KLF12: variants seen among roughly 807,000 people sequenced by gnomAD.
The protein encoded by KLF12 is KLF transcription factor 12.
KLF12 carries 9 observed loss-of-function variants against 37.8 expected under a neutral mutation model. The ratio of observed to expected loss-of-function variants is 0.24; its 90% CI spans 0.14 to 0.42. The LOEUF (loss-of-function observed/expected upper bound fraction) is 0.42. Ranked by LOEUF, KLF12 falls within the 10% of genes least tolerant of loss-of-function variation. The probability of loss-of-function intolerance (pLI) is 1.00; values close to 1 mark genes in which losing one functional copy is unlikely to be tolerated. For missense variants in KLF12, 411 were observed against 516.0 expected, an observed-to-expected ratio of 0.80 and a Z score of 1.97; for synonymous variants, 208 against 202.1, an observed-to-expected ratio of 1.03 and a Z score of -0.25.
intron 1 of KLF12, among the ~76,000 whole-genome samples, chr13:74,009,565 G>A (rs1304213792): frequency 1.3e-5 from 2 of 152,182 alleles, no homozygotes; most frequent in Non-Finnish European, 1.5e-5. Flanking sequence ...TCTGTAGGCA[G>A]CAGTCAGAAT....
At chr13:73,813,062 A>T (rs920327426) in intron 5 of KLF12, 90 bp downstream of exon 5, 12 of 1,396,776 alleles carry the variant, frequency 8.6e-6, no homozygotes, top group African/African-American at 1.4e-5. Flanking sequence ...AGCTAGAATG[A>T]CATGGCTGGG....
intron 1 of KLF12, among the ~76,000 whole-genome samples, chr13:74,110,857 G>A (rs758031232): frequency 2.8e-4 from 43 of 152,100 alleles, no homozygotes; most frequent in Non-Finnish European, 5.3e-4. Context: ...CCAAGAAGAC[G>A]TGATGTATTC....
chr13:74,090,964 C>T (rs576685862), intron 1 of KLF12, among the ~76,000 whole-genome samples: 6 of 149,228 alleles, frequency 4.0e-5, no homozygotes, highest in Admixed American at 2.7e-4. Context: ...AAAGCTCATA[C>T]TCTTCCATTT....
intron 4 of KLF12, among the ~76,000 whole-genome samples, chr13:73,825,967 A>G (rs1220212673): frequency 6.6e-6 from 1 of 151,884 alleles, no homozygotes; most frequent in Non-Finnish European, 1.5e-5. Context: ...GGGCAAATCA[A>G]TCATTCAACA....
intron 3 of KLF12, among the ~76,000 whole-genome samples, chr13:73,927,405 A>T (rs1332616333): frequency 1.3e-5 from 2 of 152,172 alleles, no homozygotes; most frequent in African/African-American, 4.8e-5. Context: ...GTACCTTGGT[A>T]CAGGATAAGC....
intron 1 of KLF12, among the ~76,000 whole-genome samples, chr13:74,106,999 A>G (rs1460535337): frequency 2.6e-5 from 4 of 152,196 alleles, no homozygotes; most frequent in African/African-American, 9.7e-5. Flanking sequence ...AAGTTTATTT[A>G]TCACAGTTCT....
At chr13:73,705,075 C>T (rs2137606723) in intron 7 of KLF12, among the ~76,000 whole-genome samples, 1 of 152,248 alleles carries the variant, frequency 6.6e-6, no homozygotes, top group African/African-American at 2.4e-5. Flanking sequence ...TCATTTAATA[C>T]TAGTGCCACT....
intron 3 of KLF12, among the ~76,000 whole-genome samples, chr13:73,888,288 G>C (rs531146250): frequency 1.6e-4 from 24 of 152,236 alleles, no homozygotes; most frequent in Middle Eastern, 3.4e-3. Context: ...ACAGTCCTGA[G>C]CCACCGCGCC....
At chr13:74,096,612 T>C (rs1022159613) in intron 1 of KLF12, among the ~76,000 whole-genome samples, 4 of 152,304 alleles carry the variant, frequency 2.6e-5, no homozygotes, top group Admixed American at 2.6e-4. Context: ...TCATAAATCA[T>C]GTTTCTGTTT....
chr13:74,005,685 G>A (rs1232596503), intron 1 of KLF12, among the ~76,000 whole-genome samples: 4 of 152,152 alleles, frequency 2.6e-5, no homozygotes, highest in Non-Finnish European at 5.9e-5. Context: ...CATGAAAAGC[G>A]CAGCCATACA....
intron 3 of KLF12, among the ~76,000 whole-genome samples, chr13:73,882,035 A>G (rs1410055564): frequency 2.0e-5 from 3 of 152,188 alleles, no homozygotes; most frequent in African/African-American, 7.2e-5. Context: ...AGGGCTTGTA[A>G]AACGGAATGT....
intron 1 of KLF12, among the ~76,000 whole-genome samples, chr13:74,115,128 T>G (rs190625232): frequency 6.6e-6 from 1 of 152,314 alleles, no homozygotes; most frequent in Admixed American, 6.5e-5. Context: ...AAGTTAGTTA[T>G]CCCCTTCAAA....
chr13:73,900,005 T>C lies in KLF12; in HGVS notation c.123+43976A>G, dbSNP rs112112978. Among the ~76,000 whole-genome samples, 1,341 of 152,160 alleles carry C rather than the reference T, an allele frequency of 8.8e-3. 15 individuals carry two copies. Among genetic ancestry groups the C allele is most frequent in the African/African-American group, 0.03 (1,256 of 41,502 alleles). On this transcript the variant is annotated intron_variant, in intron 3 of 7. Coordinates refer to ENST00000377669, the MANE Select transcript of KLF12 (RefSeq NM_007249.5). ...AGAGCCCTAATGCAAACCTGAAGAG[T>C]GAAACTAAACTGAAAGTTTTTCGTT...
At chr13:73,847,865 A>G (rs56284857) in intron 3 of KLF12, among the ~76,000 whole-genome samples, 32,621 of 152,150 alleles carry the variant, frequency 0.21, 3,910 homozygotes, top group East Asian at 0.48. Context: ...CTTTGATAAA[A>G]GCTATTAGCA....
At chr13:74,240,232 G>A in the KLF12 span, among the ~76,000 whole-genome samples, 11 of 148,480 alleles carry the variant, frequency 7.4e-5, no homozygotes, top group African/African-American at 2.5e-4. Flanking sequence ...TGAAGTTCTG[G>A]GTTGAAAATT....
At chr13:74,011,605 A>T (rs1434520693) in intron 1 of KLF12, among the ~76,000 whole-genome samples, 1 of 152,232 alleles carries the variant, frequency 6.6e-6, no homozygotes, top group Non-Finnish European at 1.5e-5. Flanking sequence ...AGATCCAAAA[A>T]GCAAAACTCG....
At chr13:74,063,622 A>C (rs989946817) in intron 1 of KLF12, among the ~76,000 whole-genome samples, 2 of 152,210 alleles carry the variant, frequency 1.3e-5, no homozygotes, top group Non-Finnish European at 2.9e-5. Flanking sequence ...ACATGTACTC[A>C]GCATAAAATG....
At chr13:73,873,196 T>C (rs1886553297) in intron 3 of KLF12, among the ~76,000 whole-genome samples, 1 of 152,072 alleles carries the variant, frequency 6.6e-6, no homozygotes, top group African/African-American at 2.4e-5. Context: ...TCCCCTCTGC[T>C]CCCATTAAAT....
intron 5 of KLF12, chr13:73,800,791 TATATCAG>T (rs1303757324): frequency 1.3e-5 from 2 of 152,138 alleles, no homozygotes; most frequent in Non-Finnish European, 2.9e-5. Context: ...ATATTAATGA[TATATCAG>T]ATAGTTTTAA....
Sources: allele counts gnomAD v4.1 joint callset (sites outside exome capture counted in the v4.1 genomes callset), GRCh38; gene constraint gnomAD v4.1.1; transcripts MANE v1.5; gene names NCBI Gene and HGNC (gene_info 2026-07-23, HGNC 2026-07-21).